Variants in SPATA21 observed in about 807,000 individuals in gnomAD.
The protein encoded by SPATA21 is spermatogenesis-associated protein 21.
SPATA21 carries 47 observed loss-of-function variants against 54.8 expected under a neutral mutation model. That is an observed-to-expected ratio of 0.86 (90% CI 0.68 to 1.09). SPATA21 has a LOEUF of 1.09. Among genes scored for constraint, SPATA21 ranks in the 50% least tolerant of loss-of-function variants. SPATA21 has a pLI of 0.00. For synonymous variants in SPATA21, 245 were observed against 235.3 expected (o/e 1.04, Z -0.38); for missense variants, 599 against 596.4 (o/e 1.00, Z -0.05).
intron 5 of SPATA21, among the ~76,000 whole-genome samples, chr1:16,419,666 A>G (rs2086113578): frequency 6.6e-6 from 1 of 152,240 alleles, no homozygotes; most frequent in Non-Finnish European, 1.5e-5. Flanking sequence ...ATGGCTGGGC[A>G]TGGTGGCTCA....
chr1:16,419,350 T>C (rs749992322), intron 5 of SPATA21, among the ~76,000 whole-genome samples: 26 of 152,146 alleles, frequency 1.7e-4, no homozygotes, highest in Non-Finnish European at 2.6e-4. Flanking sequence ...TTGGATCTTA[T>C]TCTAAGAAGA....
At chr1:16,407,954 T>TG (rs1243387486) in intron 7 of SPATA21, among the ~76,000 whole-genome samples, 4 of 152,170 alleles carry the variant, frequency 2.6e-5, no homozygotes, top group South Asian at 2.1e-4. Context: ...TTTGTAGATG[T>TG]GGGGGTCTTA....
chr1:16,427,803 C>T (rs1347116579), intron 3 of SPATA21: 102 of 1,494,612 alleles, frequency 6.8e-5, no homozygotes, highest in East Asian at 1.0e-4. Flanking sequence ...CTCTCTCCCC[C>T]GCGGGTGGGC....
chr1:16,411,178 T>C (rs1357605765), intron 5 of SPATA21, among the ~76,000 whole-genome samples: 4 of 151,996 alleles, frequency 2.6e-5, no homozygotes, highest in Admixed American at 2.6e-4. Flanking sequence ...GTAAATATAT[T>C]ATCATCTTCC....
At chr1:16,426,902 A>G (rs2086340445) in intron 3 of SPATA21, among the ~76,000 whole-genome samples, 1 of 151,984 alleles carries the variant, frequency 6.6e-6, no homozygotes, top group African/African-American at 2.4e-5. Context: ...TTCAATTAAC[A>G]TCATAGCCTG....
chr1:16,433,157 A>T (rs1386772952), intron 1 of SPATA21, among the ~76,000 whole-genome samples: 1 of 152,232 alleles, frequency 6.6e-6, no homozygotes, highest in Non-Finnish European at 1.5e-5. Flanking sequence ...GCCTTAGGGG[A>T]TACACTGGGT....
rs2085768882 is a variant in SPATA21 at position 16,409,672 on chromosome 1, C to A, written c.516G>T (p.Leu172=). ...MPCPVLLGPA[L]DLGWRRMELL... ...GTTCCATCCTTCTCCAGCCCAGGTC[C>A]AGGGCAGGGCCCAGCAGGACAGGGC... The change falls in exon 6 of 13, where the codon CTG becomes CTT. Residue 172 remains leucine (L), a synonymous_variant. Transcript: ENST00000335496. This position sits in a 1 kb window ranked among gnomAD's most constrained non-coding sequence, Gnocchi z 4.1. 2 of 1,613,314 alleles carry A rather than the reference C, an allele frequency of 1.2e-6. No homozygotes were observed. Among genetic ancestry groups the A allele is most frequent in the Non-Finnish European group, 1.7e-6 (2 of 1,179,978 alleles).
chr1:16,406,156 G>A (rs565580676), intron 7 of SPATA21, among the ~76,000 whole-genome samples: 20 of 151,602 alleles, frequency 1.3e-4, no homozygotes, highest in Non-Finnish European at 1.9e-4. Flanking sequence ...GTTTCACTCT[G>A]TCACCCAGGC....
Position 16,403,832 on chromosome 1 carries a change from A to G in SPATA21, c.896T>C (p.Leu299Pro). 6.2e-7 allele frequency: 1 copy of G among 1,610,248 alleles called. No homozygotes were observed. Among genetic ancestry groups the G allele is most frequent in the Non-Finnish European group, 8.5e-7 (1 of 1,178,050 alleles). ...RFFCSVEQNA[L>P]SDMAPHNPHT... ...GGGGTTGTGGGGAGCCATGTCCGAC[A>G]GGGCGTTCTGTTCTGGAGACATGGG... Residue 299 changes from leucine (L) to proline (P), a missense_variant, in exon 10 of 13, where the codon CTG becomes CCG. By Grantham distance (98) the Leu-to-Pro change is moderately conservative (BLOSUM62 -3). Coordinates refer to ENST00000335496, the MANE Select transcript of SPATA21 (RefSeq NM_198546.1).
At chr1:16,415,713 C>T (rs1429399061) in intron 5 of SPATA21, among the ~76,000 whole-genome samples, 2 of 152,148 alleles carry the variant, frequency 1.3e-5, no homozygotes, top group African/African-American at 4.8e-5. Flanking sequence ...GCGCCCGCCA[C>T]CATGCCTGGC....
intron 5 of SPATA21, among the ~76,000 whole-genome samples, chr1:16,410,407 A>G (rs1171206995): frequency 2.0e-5 from 3 of 149,528 alleles, no homozygotes; most frequent in Non-Finnish European, 4.4e-5. Flanking sequence ...TACAACGCCC[A>G]GCTAATCTTT....
chr1:16,399,850 G>A (rs2085388378), intron 11 of SPATA21, among the ~76,000 whole-genome samples: 1 of 152,184 alleles, frequency 6.6e-6, no homozygotes, highest in African/African-American at 2.4e-5. Flanking sequence ...AGACTGCAAA[G>A]CTCCTATCCT....
chr1:16,400,761 T>A lies in SPATA21; in HGVS notation c.1133A>T (p.Lys378Met). The change falls in exon 11 of 13, where the codon AAG (lysine) becomes ATG (methionine). Residue 378 changes from lysine (K) to methionine (M), a missense_variant. By Grantham distance (95) the Lys-to-Met change is moderately conservative. Transcript: ENST00000335496. ...CAGCCGGCTCAGGATACTGAGGACC[T>A]TTCGTTCTGGAACTTCTGAGCTCTC... ...QEESSEVPER[K>M]VLSILSRLKQ... 1 of 1,609,664 alleles carries A rather than the reference T, an allele frequency of 6.2e-7. No individual in the cohort carries two copies. The highest frequency in any genetic ancestry group is 1.1e-5 in the South Asian group (1 of 91,038).
intron 7 of SPATA21, 71 bp from the exon 8 acceptor site, chr1:16,405,175 C>A: frequency 6.5e-7 from 1 of 1,542,594 alleles, no homozygotes. Flanking sequence ...TTACCCCAAC[C>A]ACCCTCCTGC....
intron 3 of SPATA21, chr1:16,425,310 A>C: frequency 1.5e-6 from 1 of 658,756 alleles, no homozygotes. Context: ...AGGTGAGCAA[A>C]CATTCTGTCA....
downstream of SPATA21, chr1:16,396,833 C>CAGCT (rs1160289378): frequency 1.3e-5 from 2 of 152,368 alleles, no homozygotes; most frequent in Non-Finnish European, 2.9e-5. Flanking sequence ...GCTGAGTCAG[C>CAGCT]AGCTAGTCCA....
At position 16,435,347 on chromosome 1, in the gene SPATA21, C is replaced by T. The variant is rs1428707697; in HGVS notation, c.-187+1781G>A. Among the ~76,000 whole-genome samples, 7 of 150,294 alleles carry T rather than the reference C, an allele frequency of 4.7e-5. 1 individual carries two copies. In the South Asian group the frequency reaches 1.3e-3, roughly 27 times the overall value. On this transcript the variant is annotated intron_variant, in intron 1 of 12. Coordinates refer to ENST00000335496, the MANE Select transcript of SPATA21 (RefSeq NM_198546.1). The stretch of plus-strand genomic sequence containing the variant: ...TCCTTTTTTTTTTGAGATGGAGTCT[C>T]GCTCTGTCACCCAGGGTGGAGTGCA...
Position 16,431,331 on chromosome 1 carries a change from G to T in SPATA21, c.34+7C>A. On this transcript the variant is annotated splice_region_variant and intron_variant, in intron 3 of 12. Transcript: ENST00000335496. Reference sequence around the variant, plus strand: ...ACTTGGCTGCGTCCCTGGAGCCTTGGTTCTACCCTCCGTGTACATCTGGGT... The same window carrying T: ...ACTTGGCTGCGTCCCTGGAGCCTTGTTTCTACCCTCCGTGTACATCTGGGT... 1 of 1,614,108 alleles carries T rather than the reference G, an allele frequency of 6.2e-7. No individual in the cohort carries two copies. The highest frequency in any genetic ancestry group is 1.1e-5 in the South Asian group (1 of 91,080).
intron 1 of SPATA21, among the ~76,000 whole-genome samples, chr1:16,436,096 CAAAAAATTAGCT>C (rs2086579252): frequency 6.6e-6 from 1 of 151,692 alleles, no homozygotes; most frequent in Non-Finnish European, 1.5e-5. Flanking sequence ...ACTAAAGATA[CAAAAAATTAGCT>C]GAGTGTGGTG....
Sources: gnomAD v4.1 joint callset for allele counts (sites outside exome capture counted in the v4.1 genomes callset) on GRCh38, gnomAD v4.1.1 for gene constraint, Gnocchi (gnomAD v3.1) non-coding constraint, MANE v1.5 for transcripts, NCBI Gene and HGNC (gene_info 2026-07-23, HGNC 2026-07-21) for gene names.